Variants in EXOC4 observed in about 807,000 individuals in gnomAD.
The protein encoded by EXOC4 is exocyst complex component 4.
Under a neutral mutation model 107.2 loss-of-function variants are expected in EXOC4, and 71 were observed. The observed-to-expected ratio is 0.66, with a 90% CI of 0.55 to 0.81. The LOEUF (loss-of-function observed/expected upper bound fraction) is 0.81, where lower values mean the gene tolerates loss of function less well. Ranked by LOEUF, EXOC4 falls within the 30% of genes least tolerant of loss-of-function variation. The pLI is 0.00. For synonymous variants in EXOC4, 456 were observed against 441.2 expected, an observed-to-expected ratio of 1.03 and a Z score of -0.42; for missense variants, 1,108 against 1,189.6, an observed-to-expected ratio of 0.93 and a Z score of 1.01.
chr7:133,335,836 A>G (rs940721439), intron 5 of EXOC4, among the ~76,000 whole-genome samples: 12 of 152,120 alleles, frequency 7.9e-5, no homozygotes, highest in Admixed American at 1.3e-4. Flanking sequence ...TATCCTCATC[A>G]ACACTTGCCA....
chr7:133,693,594 C>T (rs905555613), intron 10 of EXOC4, among the ~76,000 whole-genome samples: 1 of 152,106 alleles, frequency 6.6e-6, no homozygotes, highest in Non-Finnish European at 1.5e-5. Flanking sequence ...CGTGTAGCCA[C>T]GATTCAAACA....
intron 15 of EXOC4, among the ~76,000 whole-genome samples, chr7:134,001,209 C>G (rs541036340): frequency 6.6e-6 from 1 of 152,128 alleles, no homozygotes; most frequent in East Asian, 1.9e-4. Flanking sequence ...CATTTGAGTC[C>G]AAGATGCCAA....
At chr7:133,612,857 A>G (rs1802101900) in intron 9 of EXOC4, among the ~76,000 whole-genome samples, 1 of 152,206 alleles carries the variant, frequency 6.6e-6, no homozygotes, top group African/African-American at 2.4e-5. Context: ...GACATGAACA[A>G]CTAAAGGTGG....
chr7:133,833,706 G>T, intron 11 of EXOC4, among the ~76,000 whole-genome samples: 1 of 152,284 alleles, frequency 6.6e-6, no homozygotes, highest in Non-Finnish European at 1.5e-5. Flanking sequence ...GGGACCACAG[G>T]CATGTGCTAC....
At chr7:133,595,906 C>G (rs1437503853) in intron 9 of EXOC4, among the ~76,000 whole-genome samples, 1 of 152,188 alleles carries the variant, frequency 6.6e-6, no homozygotes, top group Non-Finnish European at 1.5e-5. Context: ...TCTGTCTTCT[C>G]TGGATTCTCC....
At chr7:133,315,123 T>G (rs1259985915) in intron 4 of EXOC4, 1 of 152,396 alleles carries the variant, frequency 6.6e-6, no homozygotes, top group Non-Finnish European at 1.5e-5. Flanking sequence ...CAGATTAGTC[T>G]GTGATTTTTC....
intron 14 of EXOC4, among the ~76,000 whole-genome samples, chr7:133,981,421 A>G (rs536961318): frequency 1.2e-4 from 19 of 152,290 alleles, no homozygotes; most frequent in African/African-American, 4.1e-4. Flanking sequence ...AGAAAATACA[A>G]CCCCATAAAA....
intron 9 of EXOC4, among the ~76,000 whole-genome samples, chr7:133,539,428 T>C (rs1473029937): frequency 6.6e-6 from 1 of 152,172 alleles, no homozygotes; most frequent in African/African-American, 2.4e-5. Flanking sequence ...CTGCAATGTC[T>C]GAACCTTAAA....
At chr7:133,838,403 A>G (rs1303924621) in intron 11 of EXOC4, among the ~76,000 whole-genome samples, 2 of 152,140 alleles carry the variant, frequency 1.3e-5, no homozygotes, top group Non-Finnish European at 2.9e-5. Context: ...TGTGTTCCCT[A>G]ATTTGTAATC....
chr7:133,549,675 A>C (rs1291535751), intron 9 of EXOC4, among the ~76,000 whole-genome samples: 2 of 152,220 alleles, frequency 1.3e-5, no homozygotes, highest in South Asian at 2.1e-4. Flanking sequence ...TTCTGGGTAC[A>C]GGGTTGCCAC....
intron 14 of EXOC4, among the ~76,000 whole-genome samples, chr7:133,956,470 T>C (rs540790534): frequency 6.6e-6 from 1 of 152,300 alleles, no homozygotes; most frequent in South Asian, 2.1e-4. Flanking sequence ...CTGTACCTAG[T>C]ATTAGAACAA....
chr7:133,885,312 CA>C (rs1325296000), intron 11 of EXOC4, among the ~76,000 whole-genome samples: 1,471 of 90,066 alleles, frequency 0.016, 16 homozygotes, highest in African/African-American at 0.041. Flanking sequence ...GACCCCGTCT[CA>C]AAAAAAAAAA....
chr7:133,379,543 ATAC>A (rs1796566707), intron 7 of EXOC4, among the ~76,000 whole-genome samples: 1 of 152,140 alleles, frequency 6.6e-6, no homozygotes, highest in Non-Finnish European at 1.5e-5. Flanking sequence ...TATTTGTATT[ATAC>A]TACTATGACA....
In EXOC4 at chr7:133,412,287, T is replaced by G. The variant is rs538587406; in HGVS notation, c.1182+37285T>G. Among the ~76,000 whole-genome samples the G allele has an allele frequency of 4.1e-5, 6 of 146,152 alleles. No homozygotes were observed. The East Asian group carries it at 1.0e-3, about 25-fold the overall frequency. The stretch of plus-strand genomic sequence containing the variant: ...ATACTGTCAGAATTCAGTTTTTTTT[T>G]TTTTTTTTTTTTTTGCCAGTATTTG... On this transcript the variant is annotated intron_variant, in intron 7 of 17. Transcript: ENST00000253861.
chr7:133,267,296 G>T (rs1006546454), intron 1 of EXOC4, among the ~76,000 whole-genome samples: 2 of 152,126 alleles, frequency 1.3e-5, no homozygotes, highest in African/African-American at 4.8e-5. Flanking sequence ...GTTGGGCCTG[G>T]TCTGGCTCCC....
At chr7:134,044,644 A>AC (rs1795601888) in intron 17 of EXOC4, among the ~76,000 whole-genome samples, 1 of 152,246 alleles carries the variant, frequency 6.6e-6, no homozygotes, top group Non-Finnish European at 1.5e-5. Context: ...AGAGCAGACA[A>AC]TGCAAGGCAT....
chr7:134,098,613 C>T, the EXOC4 span, among the ~76,000 whole-genome samples: 1 of 152,272 alleles, frequency 6.6e-6, no homozygotes, highest in South Asian at 2.1e-4. Context: ...GTTGGAGGTA[C>T]TGCCTCTCTA....
intron 7 of EXOC4, among the ~76,000 whole-genome samples, chr7:133,469,859 T>C (rs1798827972): frequency 6.6e-6 from 1 of 152,250 alleles, no homozygotes; most frequent in Non-Finnish European, 1.5e-5. Context: ...GATTTTTCTA[T>C]CTGTAAAAGG....
At chr7:133,346,115 T>C (rs1381475607) in intron 5 of EXOC4, among the ~76,000 whole-genome samples, 1 of 152,140 alleles carries the variant, frequency 6.6e-6, no homozygotes, top group Non-Finnish European at 1.5e-5. Context: ...ATTTAAGATA[T>C]GTAGTTGGCC....
Sources: gnomAD v4.1 joint callset for allele counts (sites outside exome capture counted in the v4.1 genomes callset) on GRCh38, gnomAD v4.1.1 for gene constraint, MANE v1.5 for transcripts, NCBI Gene and HGNC (gene_info 2026-07-23, HGNC 2026-07-21) for gene names.